MCF2L: variants seen among roughly 807,000 people sequenced by gnomAD.
MCF2L encodes MCF.2 cell line derived transforming sequence like.
In MCF2L, 97 loss-of-function variants were observed where a neutral mutation model predicts 153.4. The observed-to-expected ratio is 0.63, with a 90% CI of 0.54 to 0.75. The LOEUF is 0.75. MCF2L is among the 30% of genes least tolerant of loss of function. MCF2L has a pLI of 0.00. For missense variants in MCF2L, 1,347 were observed against 1,495.2 expected (o/e 0.90, Z 1.64); for synonymous variants, 659 against 632.2 (o/e 1.04, Z -0.64).
chr13:112,954,469 T>A (rs1353865991), intron 2 of MCF2L, among the ~76,000 whole-genome samples: 1 of 152,220 alleles, frequency 6.6e-6, no homozygotes, highest in Non-Finnish European at 1.5e-5. Context: ...CTGCGGTCAT[T>A]TTCACTCCCT....
chr13:113,044,588 G>C (rs544440760), intron 3 of MCF2L: 2 of 1,545,586 alleles, frequency 1.3e-6, no homozygotes, highest in Non-Finnish European at 1.7e-6. Context: ...CTGGCATCAC[G>C]CAATTGGCTT....
chr13:112,968,361 C>A, upstream of MCF2L: 1 of 1,432,874 alleles, frequency 7.0e-7, no homozygotes, highest in South Asian at 1.4e-5. Flanking sequence ...TTGCATATGG[C>A]CCTGTGATGG....
intron 1 of MCF2L, among the ~76,000 whole-genome samples, chr13:113,006,720 G>A (rs2083721929): frequency 6.6e-6 from 1 of 152,206 alleles, no homozygotes; most frequent in Non-Finnish European, 1.5e-5. Flanking sequence ...CCTCGGGTCT[G>A]GGCCCTGTGG....
intron 1 of MCF2L, among the ~76,000 whole-genome samples, chr13:112,899,707 G>A (rs2140490384): frequency 6.6e-6 from 1 of 152,310 alleles, no homozygotes; most frequent in Middle Eastern, 3.4e-3. Flanking sequence ...GGGTCCTCAG[G>A]ACCCCGGAGC....
intron 2 of MCF2L, among the ~76,000 whole-genome samples, chr13:113,017,667 A>G (rs1474424342): frequency 1.3e-5 from 2 of 151,878 alleles, no homozygotes; most frequent in African/African-American, 4.8e-5. Flanking sequence ...AGCATCACCC[A>G]TGGGACTCGC....
intron 2 of MCF2L, among the ~76,000 whole-genome samples, chr13:112,950,772 A>G (rs1033031340): frequency 2.0e-5 from 3 of 152,250 alleles, no homozygotes; most frequent in African/African-American, 7.2e-5. Context: ...ATAAAACTAT[A>G]AAAGTTTTAG....
intron 2 of MCF2L, among the ~76,000 whole-genome samples, chr13:112,914,846 T>C (rs1203080604): frequency 6.6e-6 from 1 of 152,226 alleles, no homozygotes; most frequent in Non-Finnish European, 1.5e-5. Context: ...AAGTATTTTT[T>C]CAAATCGTCA....
upstream of MCF2L, chr13:112,968,462 AC>A: frequency 6.3e-7 from 1 of 1,589,578 alleles, no homozygotes. Flanking sequence ...CTTGGTGCCA[AC>A]CATGGCGAGG....
chr13:112,947,937 C>G (rs913663139), intron 2 of MCF2L, among the ~76,000 whole-genome samples: 2 of 152,232 alleles, frequency 1.3e-5, no homozygotes, highest in African/African-American at 2.4e-5. Flanking sequence ...GCCATGCCCC[C>G]ACAGCTCTTG....
chr13:112,996,022 T>C (rs534240924), intron 1 of MCF2L, among the ~76,000 whole-genome samples: 88 of 152,252 alleles, frequency 5.8e-4, no homozygotes, highest in African/African-American at 2.1e-3. Context: ...ACGTCTTCTC[T>C]CCACATAGTC....
chr13:113,082,494 A>C lies in MCF2L; in HGVS notation c.1943A>C (p.Lys648Thr), dbSNP rs1302388170. The change falls in exon 17 of 30, where the codon AAG becomes ACG. Residue 648 changes from lysine to threonine, a missense_variant. By Grantham distance (78) the Lys-to-Thr change is moderately conservative. Coordinates refer to ENST00000535094, the MANE Select transcript of MCF2L (RefSeq NM_001112732.3). ...HLLSTGLHNK[K>T]DVLFGNMEEI... Reference sequence around the variant, plus strand: ...CTGTCAACAGGCCTTCACAACAAGAAGGATGTTTTGTTTGGAAACATGGAG... The same window carrying C: ...CTGTCAACAGGCCTTCACAACAAGACGGATGTTTTGTTTGGAAACATGGAG... The C allele has an allele frequency of 1.9e-6, 3 of 1,614,040 alleles. No individual in the cohort carries two copies. The highest frequency in any genetic ancestry group is 1.1e-5 in the South Asian group (1 of 91,086).
At chr13:113,065,315 G>T (rs2032196213) in intron 7 of MCF2L, 1 of 547,914 alleles carries the variant, frequency 1.8e-6, no homozygotes, top group Non-Finnish European at 3.2e-6. Context: ...CCTGTAGATT[G>T]CTGGCTGCGC....
intron 3 of MCF2L, chr13:113,043,945 A>G (rs2086651119): frequency 6.5e-6 from 1 of 153,278 alleles, no homozygotes; most frequent in African/African-American, 2.4e-5. Flanking sequence ...TAATCCACCC[A>G]CCTTAGCCTC....
At chr13:113,079,395 C>A (rs967423561) in intron 15 of MCF2L, among the ~76,000 whole-genome samples, 1 of 152,114 alleles carries the variant, frequency 6.6e-6, no homozygotes, top group African/African-American at 2.4e-5. Flanking sequence ...AGGAGGAGGC[C>A]ACACACCGAC....
chr13:113,074,650 G>A lies in MCF2L; in HGVS notation c.1116+87G>A, dbSNP rs537286117. On this transcript the variant is annotated intron_variant, in intron 10 of 29. Transcript: ENST00000535094. The surrounding 1 kb of genome is among the most constrained non-coding windows in gnomAD (Gnocchi z 4.2). Reference sequence around the variant, plus strand: ...AGGAAGGCGCAGGAATGGGCCTCCCGCCTACGGAGAACGGACCCCACAGCC... The same window carrying A: ...AGGAAGGCGCAGGAATGGGCCTCCCACCTACGGAGAACGGACCCCACAGCC... 1.9e-4 allele frequency: 300 copies of A among 1,564,508 alleles called. No individual in the cohort carries two copies. Among genetic ancestry groups the A allele is most frequent in the Non-Finnish European group, 2.5e-4 (282 of 1,147,136 alleles).
At chr13:113,008,850 A>AATG (rs2083883092) in intron 1 of MCF2L, 2 of 152,146 alleles carry the variant, frequency 1.3e-5, no homozygotes, top group African/African-American at 4.8e-5. Context: ...CAAACAACAC[A>AATG]CCCATGTGTG....
rs569268039 is a variant in MCF2L at position 113,095,551 on chromosome 13, A to C, written c.3076-820A>C. Reference sequence around the variant, plus strand: ...CTACTCTGGGCACCACAGAGGCAGGAGCCAGTACAGGCCATCACGTGAGGG... The same window carrying C: ...CTACTCTGGGCACCACAGAGGCAGGCGCCAGTACAGGCCATCACGTGAGGG... On this transcript the variant is annotated intron_variant, in intron 27 of 29. Transcript: ENST00000535094. 319 of 1,020,074 alleles carry C rather than the reference A, an allele frequency of 3.1e-4. 1 individual carries two copies. In the African/African-American group the frequency reaches 5.2e-3, roughly 17 times the overall value. 63.2% of individuals were successfully genotyped at this position (1,020,074 alleles called of 1,614,324 possible).
rs2081570170 is a variant in MCF2L at position 112,941,016 on chromosome 13, A to C, written c.169+38645A>C. 6.6e-6 allele frequency among the ~76,000 whole-genome samples: 1 copy of C among 152,178 alleles called. No homozygotes were observed. The highest frequency in any genetic ancestry group is 2.4e-5 in the African/African-American group (1 of 41,448). Reference sequence around the variant, plus strand: ...ATGAAGCCCAGAGTGAGTGAATCAGACACATGGGCTCTGGATGTGAAATCC... The same window carrying C: ...ATGAAGCCCAGAGTGAGTGAATCAGCCACATGGGCTCTGGATGTGAAATCC... On this transcript the variant is annotated intron_variant, in intron 2 of 29. Coordinates refer to the MCF2L transcript ENST00000375608. The surrounding 1 kb of genome is among the most constrained non-coding windows in gnomAD (Gnocchi z 4.9).
chr13:113,043,325 G>A (rs2086618484), intron 3 of MCF2L: 1 of 152,276 alleles, frequency 6.6e-6, no homozygotes, highest in African/African-American at 2.4e-5. Context: ...GCTGGCCTGA[G>A]GATTACGTGC....
Sources: gnomAD v4.1 joint callset for allele counts (sites outside exome capture counted in the v4.1 genomes callset) on GRCh38, gnomAD v4.1.1 for gene constraint, Gnocchi (gnomAD v3.1) non-coding constraint, MANE v1.5 for transcripts, NCBI Gene and HGNC (gene_info 2026-07-23, HGNC 2026-07-21) for gene names.